The following PER3 variants were observed in gnomAD, a reference collection of about 807,000 sequenced individuals.
The protein encoded by PER3 is period circadian regulator 3, also known as period circadian protein homolog 3.
In PER3, 107 loss-of-function variants were observed where a neutral mutation model predicts 127.2. The observed-to-expected ratio is 0.84, with a 90% CI of 0.72 to 0.99. The LOEUF (loss-of-function observed/expected upper bound fraction) is 0.99, where lower values mean the gene tolerates loss of function less well. PER3 is among the 50% of genes least tolerant of loss of function. The pLI is 0.00. For synonymous variants in PER3, 618 were observed against 585.8 expected (o/e 1.05, Z -0.79); for missense variants, 1,560 against 1,525.8 (o/e 1.02, Z -0.37).
chr1:7,818,487 A>G (rs12141033), intron 13 of PER3, among the ~76,000 whole-genome samples: 88,926 of 152,010 alleles, frequency 0.59, 26,755 homozygotes, highest in Middle Eastern at 0.73. Context: ...CTCCTTCCTT[A>G]AGAAAGTTTT....
chr1:7,805,732 A>G (rs986939263), intron 10 of PER3, among the ~76,000 whole-genome samples: 13 of 152,158 alleles, frequency 8.5e-5, no homozygotes, highest in Non-Finnish European at 1.3e-4. Flanking sequence ...AGATGCCTTC[A>G]TGAGGCTTCC....
intron 21 of PER3, among the ~76,000 whole-genome samples, chr1:7,840,347 A>C (rs1432200364): frequency 7.5e-6 from 1 of 133,624 alleles, no homozygotes; most frequent in Non-Finnish European, 1.6e-5. Flanking sequence ...TTTTTTTTTT[A>C]GACAAGGTCT....
chr1:7,806,440 T>C (rs1458094952), intron 10 of PER3, among the ~76,000 whole-genome samples: 1 of 152,184 alleles, frequency 6.6e-6, no homozygotes, highest in East Asian at 1.9e-4. Flanking sequence ...TGTTGCTGTT[T>C]CATGAAGGCT....
chr1:7,829,546 A>T (rs1053479123), intron 18 of PER3, among the ~76,000 whole-genome samples: 2 of 152,226 alleles, frequency 1.3e-5, no homozygotes, highest in South Asian at 4.1e-4. Context: ...ACCACAGTAG[A>T]TCTGATAACC....
At chr1:7,815,737 G>A (rs1252541755) in intron 13 of PER3, among the ~76,000 whole-genome samples, 1 of 151,878 alleles carries the variant, frequency 6.6e-6, no homozygotes, top group African/African-American at 2.4e-5. Context: ...TGTAATCCCA[G>A]CACTTTAGGG....
At chr1:7,821,174 C>T (rs17374292) in intron 16 of PER3, among the ~76,000 whole-genome samples, 21,879 of 152,176 alleles carry the variant, frequency 0.14, 1,817 homozygotes, top group African/African-American at 0.16. Flanking sequence ...GCCACTTGTC[C>T]TTTTGACATT....
chr1:7,798,371 CAT>C (rs1356435482), intron 6 of PER3, among the ~76,000 whole-genome samples, 152 bp from the exon 7 acceptor site: 1 of 152,226 alleles, frequency 6.6e-6, no homozygotes, highest in African/African-American at 2.4e-5. Flanking sequence ...TTTAAGCTAA[CAT>C]ATTCTTTCTT....
chr1:7,839,051 T>A (rs1458036938), intron 21 of PER3, among the ~76,000 whole-genome samples: 3 of 152,206 alleles, frequency 2.0e-5, no homozygotes, highest in Non-Finnish European at 4.4e-5. Context: ...TCTTTTGTGT[T>A]TAGTTGGTTT....
rs1313489821 is a variant in PER3 at position 7,788,903 on chromosome 1, T to TG, written c.592+661dup. ...TGGGCGACAAGCGTGAAACTGTTTCTGGGGAAAAAAAAAAAAAAAAATTCA... is the reference window on the plus strand; with the variant it reads ...TGGGCGACAAGCGTGAAACTGTTTCTGGGGGAAAAAAAAAAAAAAAAATTCA... On this transcript the variant is annotated intron_variant, in intron 5 of 21. Coordinates refer to ENST00000377532, the MANE Select transcript of PER3 (RefSeq NM_001377275.1). Among the ~76,000 whole-genome samples the TG allele has an allele frequency of 1.5e-3, 94 of 64,560 alleles. No homozygotes were observed. The East Asian group carries it at 0.047, about 32-fold the overall frequency. 42.4% of individuals were successfully genotyped at this position (64,560 alleles called of 152,430 possible).
In PER3 at chr1:7,837,017, A is replaced by G; in HGVS notation, c.3417A>G (p.Leu1139=). 6.2e-7 allele frequency: 1 copy of G among 1,613,368 alleles called. No homozygotes were observed. The highest frequency in any genetic ancestry group is 8.5e-7 in the Non-Finnish European group (1 of 1,179,600). Residue 1139 remains leucine, a synonymous_variant, in exon 21 of 22, where the codon CTA becomes CTG. Coordinates refer to ENST00000377532, the MANE Select transcript of PER3 (RefSeq NM_001377275.1). The part of the protein sequence containing the change: ...QVPERVKEVV[L]KEDLEKLESM... Reference sequence around the variant, plus strand: ...TTTTCAGGGTTAAAGAAGTTGTACTAAAAGAAGACCTGGAAAAGCTAGAAA... The same window carrying G: ...TTTTCAGGGTTAAAGAAGTTGTACTGAAAGAAGACCTGGAAAAGCTAGAAA...
intron 7 of PER3, among the ~76,000 whole-genome samples, chr1:7,799,527 C>T (rs2097160508): frequency 6.6e-6 from 1 of 150,574 alleles, no homozygotes; most frequent in South Asian, 2.1e-4. Context: ...CTGCTTGAAC[C>T]GGGACCCGGG....
intron 5 of PER3, 48 bp from the exon 6 acceptor site, chr1:7,793,909 A>T: frequency 6.7e-7 from 1 of 1,503,692 alleles, no homozygotes; most frequent in Non-Finnish European, 9.3e-7. Context: ...TTTCACTGAG[A>T]AAGACCTGGA....
chr1:7,842,057 A>G (rs1381883639), intron 21 of PER3, among the ~76,000 whole-genome samples: 1 of 152,164 alleles, frequency 6.6e-6, no homozygotes, highest in Admixed American at 6.5e-5. Context: ...GTTGTAACAC[A>G]GTGTTACTTG....
At chr1:7,827,952 A>G in intron 18 of PER3, 137 bp downstream of exon 18, 1 of 633,412 alleles carries the variant, frequency 1.6e-6, no homozygotes, top group Non-Finnish European at 2.7e-6. Context: ...TGTTAGCCTA[A>G]TTCTGTGTAA....
intron 7 of PER3, among the ~76,000 whole-genome samples, chr1:7,800,216 A>ATTTTTTTT: frequency 6.8e-6 from 1 of 146,328 alleles, no homozygotes; most frequent in Non-Finnish European, 1.5e-5. Context: ...CAATCACTTC[A>ATTTTTTTT]TTTTTTTTTT....
intron 16 of PER3, among the ~76,000 whole-genome samples, chr1:7,825,908 A>G (rs904745688): frequency 7.0e-6 from 1 of 141,904 alleles, no homozygotes; most frequent in Non-Finnish European, 1.6e-5. Context: ...AAAAAAAATG[A>G]ACAAATACAA....
At position 7,844,009 on chromosome 1, in the gene PER3, A is replaced by G; in HGVS notation, c.*1254A>G. 8.7e-7 allele frequency: 1 copy of G among 1,147,252 alleles called. No homozygotes were observed. The highest frequency in any genetic ancestry group is 1.1e-6 in the Non-Finnish European group (1 of 907,116). 71.1% of individuals were successfully genotyped at this position (1,147,252 alleles called of 1,614,324 possible). A position where few individuals can be genotyped will look rare whatever the true frequency, so the allele number is the denominator to read the frequency against. On this transcript the variant is annotated 3_prime_UTR_variant, in exon 22 of 22. Coordinates refer to ENST00000377532, the MANE Select transcript of PER3 (RefSeq NM_001377275.1). ...AGGGTTACAGTAACCTGTTGTCTTT[A>G]TATAACTTGCAACAAACTAATTTAT...
intron 10 of PER3, among the ~76,000 whole-genome samples, chr1:7,807,590 G>A (rs959487721): frequency 1.3e-5 from 2 of 152,174 alleles, no homozygotes; most frequent in Non-Finnish European, 2.9e-5. Flanking sequence ...GCTGCTTCTC[G>A]GTTATGTGAA....
At position 7,819,440 on chromosome 1, in the gene PER3, G is replaced by T. The variant is rs2097265852; in HGVS notation, c.1658+20G>T. The T allele has an allele frequency of 6.2e-7, 1 of 1,611,384 alleles. No homozygotes were observed. The highest frequency in any genetic ancestry group is 1.7e-5 in the Admixed American group (1 of 59,888). ...CATCAGGTATGAGACCGCAAGTTTG[G>T]ATACCATGTAAGTCTGTTCCGGAAG... On this transcript the variant is annotated intron_variant, in intron 14 of 21. Transcript: ENST00000377532.
Sources: gnomAD v4.1 joint callset for allele counts (sites outside exome capture counted in the v4.1 genomes callset) on GRCh38, gnomAD v4.1.1 for gene constraint, MANE v1.5 for transcripts, NCBI Gene and HGNC (gene_info 2026-07-23, HGNC 2026-07-21) for gene names.